MTUS2: variants seen among roughly 807,000 people sequenced by gnomAD.
MTUS2 encodes microtubule-associated tumor suppressor candidate 2.
A neutral mutation model predicts 114.1 loss-of-function variants in MTUS2; 40 were observed. The ratio of observed to expected loss-of-function variants is 0.35; its 90% CI spans 0.27 to 0.46. MTUS2 has a LOEUF of 0.46. Among genes scored for constraint, MTUS2 ranks in the 20% least tolerant of loss-of-function variants. MTUS2 has a pLI of 1.00. For missense variants in MTUS2, 1,679 were observed against 1,705.4 expected (o/e 0.98, Z 0.27); for synonymous variants, 688 against 672.0 (o/e 1.02, Z -0.37).
intron 3 of MTUS2, among the ~76,000 whole-genome samples, chr13:29,033,546 G>C (rs979031672): frequency 6.6e-6 from 1 of 151,980 alleles, no homozygotes; most frequent in Middle Eastern, 3.2e-3. Flanking sequence ...TTTGCTAAAT[G>C]CTTTCTTTGC....
At chr13:28,886,821 C>T (rs539092931) in intron 2 of MTUS2, among the ~76,000 whole-genome samples, 10 of 152,266 alleles carry the variant, frequency 6.6e-5, no homozygotes, top group Admixed American at 5.2e-4. Context: ...CCATTGAGAC[C>T]AAAGCTGCTT....
intron 2 of MTUS2, among the ~76,000 whole-genome samples, chr13:28,876,896 T>G (rs1250328106): frequency 1.3e-5 from 2 of 152,190 alleles, no homozygotes; most frequent in Non-Finnish European, 2.9e-5. Flanking sequence ...TTAAATTAAT[T>G]TTTTATCTTC....
intron 3 of MTUS2, among the ~76,000 whole-genome samples, chr13:29,031,237 G>GGTGTGTGTGTGTGTGTGTGT (rs59288953): frequency 0.072 from 8,893 of 122,736 alleles, 480 homozygotes; most frequent in Admixed American, 0.12. Context: ...AGAACTAATA[G>GGTGTGTGTGTGTGTGTGTGT]GTGTGTGTGT....
intron 11 of MTUS2, chr13:29,488,289 C>G (rs1012565550): frequency 1.3e-5 from 6 of 462,796 alleles, no homozygotes; most frequent in Non-Finnish European, 2.4e-5. Flanking sequence ...CAGCCTCAGT[C>G]CCACCCCAGG....
chr13:29,065,047 T>G (rs930015892), intron 4 of MTUS2, among the ~76,000 whole-genome samples: 8 of 152,224 alleles, frequency 5.3e-5, no homozygotes, highest in Non-Finnish European at 1.2e-4. Flanking sequence ...TTTAGATTGA[T>G]TCCATGTCTC....
rs189297409 is a variant in MTUS2 at position 29,428,927 on chromosome 13, C to T, written c.3118-11056C>T. The stretch of plus-strand genomic sequence containing the variant: ...TTGCCTTCCCTCTCTCTTCTTCCCC[C>T]TCCTCCTTTGCAAGGGCAGAGAGAA... On this transcript the variant is annotated intron_variant, in intron 8 of 15. Transcript: ENST00000612955. The T allele has an allele frequency of 2.5e-6, 4 of 1,608,126 alleles. No homozygotes were observed. The African/African-American group carries it at 4.0e-5, about 16-fold the overall frequency.
chr13:29,338,455 C>G (rs552635177), intron 7 of MTUS2, among the ~76,000 whole-genome samples: 8 of 151,842 alleles, frequency 5.3e-5, no homozygotes, highest in Admixed American at 2.0e-4. Context: ...CTGGGCGTGG[C>G]GGCGTGAGCC....
chr13:29,261,335 G>T (rs910413758), intron 5 of MTUS2, among the ~76,000 whole-genome samples: 3 of 152,038 alleles, frequency 2.0e-5, no homozygotes, highest in African/African-American at 7.2e-5. Flanking sequence ...ACTCCTTCTC[G>T]CAGTCCCTGA....
chr13:29,056,619 G>A (rs1050282153), intron 4 of MTUS2, among the ~76,000 whole-genome samples: 3 of 151,440 alleles, frequency 2.0e-5, no homozygotes, highest in African/African-American at 7.2e-5. Context: ...TTTCTAGTTT[G>A]TAAGGGGTTT....
intron 2 of MTUS2, among the ~76,000 whole-genome samples, chr13:28,943,772 G>T (rs936496965): frequency 6.6e-6 from 1 of 152,154 alleles, no homozygotes; most frequent in Non-Finnish European, 1.5e-5. Context: ...GGATGCATAG[G>T]GAGGAAGCTG....
intron 8 of MTUS2, among the ~76,000 whole-genome samples, chr13:29,417,822 A>G (rs778983968): frequency 7.9e-5 from 12 of 152,048 alleles, no homozygotes; most frequent in Non-Finnish European, 1.5e-4. Context: ...AACAGTTGAG[A>G]TGTGTTGGAT....
At chr13:29,411,923 T>C (rs1280465133) in intron 8 of MTUS2, among the ~76,000 whole-genome samples, 1 of 152,232 alleles carries the variant, frequency 6.6e-6, no homozygotes, top group Non-Finnish European at 1.5e-5. Context: ...TTGTTACTTT[T>C]ATATTTTGCT....
chr13:29,198,213 T>G (rs1202021760), intron 5 of MTUS2, among the ~76,000 whole-genome samples: 3 of 152,234 alleles, frequency 2.0e-5, no homozygotes. Flanking sequence ...GTCTTAGGTT[T>G]AAGTCTATAA....
chr13:29,104,250 T>G (rs925798846), intron 5 of MTUS2, among the ~76,000 whole-genome samples: 6 of 152,148 alleles, frequency 3.9e-5, no homozygotes, highest in East Asian at 3.9e-4. Context: ...CCTCAGAACT[T>G]GAAGGTATCT....
intron 5 of MTUS2, among the ~76,000 whole-genome samples, chr13:29,182,929 AG>A (rs975803250): frequency 1.3e-5 from 2 of 152,140 alleles, no homozygotes; most frequent in African/African-American, 4.8e-5. Flanking sequence ...GGGAGGGAGC[AG>A]GGGGAGAGTA....
At chr13:29,320,256 GA>G (rs1900198291) in intron 6 of MTUS2, among the ~76,000 whole-genome samples, 1 of 152,142 alleles carries the variant, frequency 6.6e-6, no homozygotes, top group Admixed American at 6.5e-5. Flanking sequence ...AGGAATGAAG[GA>G]AGCCACGAGA....
chr13:29,184,243 A>C (rs192908138), intron 5 of MTUS2, among the ~76,000 whole-genome samples: 49 of 152,198 alleles, frequency 3.2e-4, no homozygotes, highest in African/African-American at 1.0e-3. Flanking sequence ...ATATAACCCA[A>C]CTCTATTAAT....
intron 5 of MTUS2, among the ~76,000 whole-genome samples, chr13:29,167,784 T>A (rs1893380844): frequency 6.6e-6 from 1 of 152,128 alleles, no homozygotes; most frequent in Admixed American, 6.5e-5. Context: ...AGATTTGGGA[T>A]GCTCAGTCAG....
chr13:29,121,617 A>C (rs984837996), intron 5 of MTUS2, among the ~76,000 whole-genome samples: 1 of 152,008 alleles, frequency 6.6e-6, no homozygotes, highest in Non-Finnish European at 1.5e-5. Flanking sequence ...CCTAAGTTCA[A>C]ATCCCTGCTC....
Sources: allele counts gnomAD v4.1 joint callset (sites outside exome capture counted in the v4.1 genomes callset), GRCh38; gene constraint gnomAD v4.1.1; transcripts MANE v1.5; gene names NCBI Gene and HGNC (gene_info 2026-07-23, HGNC 2026-07-21).